ARL8B: variants seen among roughly 807,000 people sequenced by gnomAD.
ARL8B encodes ARF like GTPase 8B.
A neutral mutation model predicts 30.6 loss-of-function variants in ARL8B; 9 were observed. That is an observed-to-expected ratio of 0.29 (90% CI 0.18 to 0.51). ARL8B has a LOEUF of 0.51. Among genes scored for constraint, ARL8B ranks in the 20% least tolerant of loss-of-function variants. The pLI is 0.97. For synonymous variants in ARL8B, 74 were observed against 76.0 expected (o/e 0.97, Z 0.14); for missense variants, 130 against 227.2 (o/e 0.57, Z 2.75).
At chr3:5,131,413 CAG>C (rs1459310856) in intron 1 of ARL8B, among the ~76,000 whole-genome samples, 18 of 149,454 alleles carry the variant, frequency 1.2e-4, no homozygotes, top group African/African-American at 3.9e-4. Context: ...TTTTTTGAGA[CAG>C]AGTCTCACTC....
intron 1 of ARL8B, among the ~76,000 whole-genome samples, chr3:5,127,321 A>T (rs1575556907): frequency 2.0e-5 from 3 of 152,324 alleles, no homozygotes; most frequent in East Asian, 3.9e-4. Flanking sequence ...AGAACTGTGG[A>T]TTGGGAGATC....
rs77402822 is a variant in ARL8B at position 5,174,122 on chromosome 3, A to G, written c.440+38A>G. 1.9e-3 allele frequency: 2,982 copies of G among 1,542,642 alleles called. 51 individuals carry two copies. The African/African-American group carries it at 0.034, about 18-fold the overall frequency. ...TATGCTATTTTAATAATTTGCTTCT[A>G]AATTACCATATTTTGCCCACTTGTT... On this transcript the variant is annotated intron_variant, in intron 5 of 6. Coordinates refer to ENST00000256496, the MANE Select transcript of ARL8B (RefSeq NM_018184.3).
intron 1 of ARL8B, among the ~76,000 whole-genome samples, chr3:5,141,222 T>C (rs1277207329): frequency 6.6e-6 from 1 of 152,230 alleles, no homozygotes; most frequent in Non-Finnish European, 1.5e-5. Context: ...ATCCACAGGC[T>C]GGCTTCCAGT....
chr3:5,145,858 T>A (rs895254779), intron 1 of ARL8B, among the ~76,000 whole-genome samples: 19 of 152,202 alleles, frequency 1.2e-4, no homozygotes, highest in African/African-American at 4.6e-4. Flanking sequence ...TCTCTGGGTT[T>A]ATTCTCTTTC....
chr3:5,150,461 T>C (rs1209689849), intron 1 of ARL8B, among the ~76,000 whole-genome samples: 5 of 70,246 alleles, frequency 7.1e-5, no homozygotes, highest in Non-Finnish European at 7.9e-5. Flanking sequence ...AGAATCCATG[T>C]CAAAATAAAT....
Position 5,149,466 on chromosome 3 carries a change from T to TC in ARL8B, c.124-21037_124-21036insC, listed in dbSNP as rs1349052607. On this transcript the variant is annotated intron_variant, in intron 1 of 6. Coordinates refer to ENST00000256496, the MANE Select transcript of ARL8B (RefSeq NM_018184.3). ...ATGGACTTGGAGACACCATCCCGTG[T>TC]GTGGTAGGCAGGCACACCTGGGGCA... Among the ~76,000 whole-genome samples the TC allele has an allele frequency of 8.9e-3, 1,356 of 152,334 alleles. 16 individuals are homozygous for TC. The highest frequency in any genetic ancestry group is 0.031 in the African/African-American group (1,271 of 41,576).
At chr3:5,132,530 C>T (rs2054291793) in intron 1 of ARL8B, among the ~76,000 whole-genome samples, 4 of 152,156 alleles carry the variant, frequency 2.6e-5, no homozygotes, top group East Asian at 3.9e-4. Flanking sequence ...TGAGCCACTG[C>T]GCCCGGCTCC....
At chr3:5,122,702 G>A (rs2106548393) in intron 1 of ARL8B, 114 bp downstream of exon 1, 5 of 1,226,428 alleles carry the variant, frequency 4.1e-6, no homozygotes, top group Middle Eastern at 2.4e-4. Flanking sequence ...ATGGCGGGGG[G>A]CGTGCGAAGC....
At chr3:5,144,916 A>G (rs1282151224) in intron 1 of ARL8B, among the ~76,000 whole-genome samples, 1 of 152,196 alleles carries the variant, frequency 6.6e-6, no homozygotes, top group Non-Finnish European at 1.5e-5. Context: ...GTACCACCCC[A>G]TAGGCATATT....
At chr3:5,143,621 G>A (rs963757177) in intron 1 of ARL8B, among the ~76,000 whole-genome samples, 4 of 152,194 alleles carry the variant, frequency 2.6e-5, no homozygotes, top group African/African-American at 9.6e-5. Flanking sequence ...CCGTTTGCAC[G>A]GCCATCTTAG....
At chr3:5,128,599 A>G (rs550385788) in intron 1 of ARL8B, 27 of 320,636 alleles carry the variant, frequency 8.4e-5, no homozygotes, top group South Asian at 1.5e-4. Flanking sequence ...GTGGATGGTT[A>G]CTGAACATGG....
At chr3:5,139,306 C>A (rs2054352573) in intron 1 of ARL8B, among the ~76,000 whole-genome samples, 1 of 152,158 alleles carries the variant, frequency 6.6e-6, no homozygotes, top group African/African-American at 2.4e-5. Context: ...TATTTGTAAA[C>A]ATTTTCTTGC....
At chr3:5,145,714 A>G (rs1346508004) in intron 1 of ARL8B, among the ~76,000 whole-genome samples, 2 of 152,190 alleles carry the variant, frequency 1.3e-5, no homozygotes, top group Non-Finnish European at 2.9e-5. Context: ...CTCCTCTAGT[A>G]GTTTCAGATA....
chr3:5,143,515 G>A (rs185026940), intron 1 of ARL8B, among the ~76,000 whole-genome samples: 1 of 152,204 alleles, frequency 6.6e-6, no homozygotes. Context: ...CGTAGCACAG[G>A]TGATCCATGC....
At chr3:5,163,095 C>A (rs907423246) in intron 1 of ARL8B, among the ~76,000 whole-genome samples, 1 of 149,088 alleles carries the variant, frequency 6.7e-6, no homozygotes, top group African/African-American at 2.5e-5. Flanking sequence ...TGAAGTGATT[C>A]TCCTACCTCC....
At chr3:5,155,987 C>T (rs1205521091) in intron 1 of ARL8B, among the ~76,000 whole-genome samples, 1 of 151,968 alleles carries the variant, frequency 6.6e-6, no homozygotes, top group Non-Finnish European at 1.5e-5. Flanking sequence ...ACGGCAACCT[C>T]CGCCTCCTAG....
At chr3:5,138,124 T>C (rs2054343516) in intron 1 of ARL8B, among the ~76,000 whole-genome samples, 1 of 152,126 alleles carries the variant, frequency 6.6e-6, no homozygotes, top group South Asian at 2.1e-4. Context: ...TGGGTTTTTC[T>C]TCTGCTGATA....
chr3:5,130,594 C>T (rs998222289), intron 1 of ARL8B, among the ~76,000 whole-genome samples: 2 of 151,580 alleles, frequency 1.3e-5, no homozygotes, highest in Admixed American at 1.3e-4. Context: ...AGGGCAGTGG[C>T]ATGATCTCGG....
chr3:5,125,041 A>G (rs374524626), intron 1 of ARL8B, among the ~76,000 whole-genome samples: 2 of 152,208 alleles, frequency 1.3e-5, no homozygotes, highest in Admixed American at 6.5e-5. Flanking sequence ...TTCAGTAGAC[A>G]GTGTAGCTTA....
Sources: gnomAD v4.1 joint callset for allele counts (sites outside exome capture counted in the v4.1 genomes callset) on GRCh38, gnomAD v4.1.1 for gene constraint, MANE v1.5 for transcripts, NCBI Gene and HGNC (gene_info 2026-07-23, HGNC 2026-07-21) for gene names.